The following KMO variants were observed in gnomAD, a reference collection of about 807,000 sequenced individuals.
KMO encodes kynurenine 3-hydroxylase.
A neutral mutation model predicts 57.8 loss-of-function variants in KMO; 24 were observed. That is an observed-to-expected ratio of 0.42 (90% CI 0.30 to 0.58). KMO has a LOEUF of 0.58. KMO is among the 20% of genes least tolerant of loss of function. KMO has a pLI of 0.22. For missense variants in KMO, 483 were observed against 588.2 expected (o/e 0.82, Z 1.85); for synonymous variants, 210 against 193.6 (o/e 1.08, Z -0.70).
At chr1:241,558,940 C>T (rs1311925337) in intron 5 of KMO, among the ~76,000 whole-genome samples, 1 of 151,796 alleles carries the variant, frequency 6.6e-6, no homozygotes, top group Non-Finnish European at 1.5e-5. Context: ...TGGTGAAACC[C>T]TATCTCTACT....
chr1:241,583,342 G>A (rs896583639), intron 10 of KMO, among the ~76,000 whole-genome samples: 1 of 152,192 alleles, frequency 6.6e-6, no homozygotes, highest in Non-Finnish European at 1.5e-5. Context: ...TTAGTTAGCA[G>A]GTGGTGAACC....
Position 241,548,885 on chromosome 1 carries a change from T to C in KMO, c.111T>C (p.Tyr37=). 6.2e-7 allele frequency: 1 copy of C among 1,606,442 alleles called. No homozygotes were observed. Among genetic ancestry groups the C allele is most frequent in the Non-Finnish European group, 8.5e-7 (1 of 1,173,514 alleles). The change falls in exon 2 of 15, where the codon TAT becomes TAC. Residue 37 remains tyrosine (Y), a synonymous_variant. Transcript: ENST00000366559. The part of the protein sequence containing the change: ...LAKRNFQIDV[Y]EAREDTRVAT... ...AGAGGAATTTCCAGATTGATGTATA[T>C]GAAGCTAGGGAAGGTACGTCCATGG...
At position 241,592,800 on chromosome 1, in the gene KMO, C is replaced by CTA. The variant is rs1558435037; in HGVS notation, c.*649_*650dup. ...TATCTATCTATCTATCTATCTATCTCTATTTATTTATGTATTTAGAGATCA... is the reference window on the plus strand; with the variant it reads ...TATCTATCTATCTATCTATCTATCTCTATATTTATTTATGTATTTAGAGATCA... On this transcript the variant is annotated 3_prime_UTR_variant, in exon 15 of 15. Transcript: ENST00000366559. The CTA allele has an allele frequency of 1.1e-4, 11 of 98,930 alleles. No individual in the cohort carries two copies. The highest frequency in any genetic ancestry group is 2.7e-4 in the African/African-American group (8 of 29,370). The allele number at this position is 98,930 out of a possible 1,614,324, so 6.1% of individuals were successfully genotyped here.
chr1:241,569,007 C>G (rs1182934506), intron 10 of KMO, among the ~76,000 whole-genome samples: 1 of 152,038 alleles, frequency 6.6e-6, no homozygotes, highest in East Asian at 1.9e-4. Flanking sequence ...TCCATTTTTA[C>G]ATCTAATTTT....
chr1:241,539,894 C>T (rs967375719), intron 1 of KMO, among the ~76,000 whole-genome samples: 2 of 152,096 alleles, frequency 1.3e-5, no homozygotes, highest in Non-Finnish European at 2.9e-5. Flanking sequence ...TCAAAAGAAA[C>T]GTGTATGCGT....
intron 10 of KMO, among the ~76,000 whole-genome samples, chr1:241,583,649 C>T (rs1364553072): frequency 6.6e-6 from 1 of 152,090 alleles, no homozygotes; most frequent in Non-Finnish European, 1.5e-5. Context: ...ATACATATAC[C>T]TAATACAATA....
rs74150322 is a variant in KMO, at chr1:241,555,762, G to T, written c.361+102G>T. The T allele has an allele frequency of 4.5e-3, 3,261 of 725,072 alleles. 71 individuals carry two copies. The African/African-American group carries it at 0.05, about 11-fold the overall frequency. The allele number at this position is 725,072 out of a possible 1,614,324, so 44.9% of individuals were successfully genotyped here. A position where few individuals can be genotyped will look rare whatever the true frequency, so the allele number is the denominator to read the frequency against. On this transcript the variant is annotated intron_variant, in intron 5 of 14. Transcript: ENST00000366559. ...GATTTGTTTGCTGCTCCTTTTTATG[G>T]GTTATGAAGAGCAAGACTATGTACA...
At chr1:241,562,079 G>A (rs1409861259) in intron 6 of KMO, 88 bp from the exon 7 acceptor site, 1 of 1,069,140 alleles carries the variant, frequency 9.4e-7, no homozygotes, top group African/African-American at 1.6e-5. Context: ...AGTTATCTAT[G>A]GAGCCACTAC....
At chr1:241,569,841 C>T (rs1222110948) in intron 10 of KMO, among the ~76,000 whole-genome samples, 1 of 152,032 alleles carries the variant, frequency 6.6e-6, no homozygotes, top group Non-Finnish European at 1.5e-5. Context: ...CAGATCAAAG[C>T]CATTATAACT....
At chr1:241,558,885 G>C (rs1394387168) in intron 5 of KMO, among the ~76,000 whole-genome samples, 1 of 152,054 alleles carries the variant, frequency 6.6e-6, no homozygotes, top group Admixed American at 6.6e-5. Context: ...GGCCGAAGGG[G>C]GTGGATCACC....
intron 2 of KMO, among the ~76,000 whole-genome samples, chr1:241,549,202 GAAGAAAGA>G (rs71570903): frequency 2.1e-3 from 41 of 19,962 alleles, no homozygotes; most frequent in African/African-American, 6.2e-3. Flanking sequence ...GAAAGAAAAG[GAAGAAAGA>G]AAGAAAGAAA....
intron 9 of KMO, among the ~76,000 whole-genome samples, chr1:241,567,575 A>G (rs1388067242): frequency 6.6e-6 from 1 of 152,186 alleles, no homozygotes; most frequent in African/African-American, 2.4e-5. Context: ...AGATTTTCAC[A>G]CTGCTTCTTC....
At chr1:241,557,141 T>C (rs1351866055) in intron 5 of KMO, among the ~76,000 whole-genome samples, 1 of 152,098 alleles carries the variant, frequency 6.6e-6, no homozygotes, top group African/African-American at 2.4e-5. Flanking sequence ...AATAGAACCC[T>C]GAAGTTGTGA....
chr1:241,539,411 T>A (rs1050212914), intron 1 of KMO, among the ~76,000 whole-genome samples: 5 of 142,632 alleles, frequency 3.5e-5, no homozygotes, highest in African/African-American at 1.1e-4. Context: ...CAGCAATAGC[T>A]ACTTCACCCT....
chr1:241,557,704 T>C (rs1005629881), intron 5 of KMO, among the ~76,000 whole-genome samples: 15 of 152,180 alleles, frequency 9.9e-5, no homozygotes, highest in Non-Finnish European at 4.4e-5. Flanking sequence ...GGCTCACATC[T>C]GTAATCCCAG....
At chr1:241,559,714 T>G (rs1661767871) in intron 5 of KMO, among the ~76,000 whole-genome samples, 1 of 152,184 alleles carries the variant, frequency 6.6e-6, no homozygotes, top group Non-Finnish European at 1.5e-5. Context: ...CTGCCTTATT[T>G]TCCCCATTTT....
chr1:241,543,444 T>C (rs1252000931), intron 1 of KMO, among the ~76,000 whole-genome samples: 1 of 152,202 alleles, frequency 6.6e-6, no homozygotes, highest in Non-Finnish European at 1.5e-5. Context: ...ACTTATAGTC[T>C]TGCTAATATA....
At chr1:241,562,606 A>G (rs1013763450) in intron 7 of KMO, among the ~76,000 whole-genome samples, 4 of 152,192 alleles carry the variant, frequency 2.6e-5, no homozygotes, top group Admixed American at 2.6e-4. Flanking sequence ...TTGGGAGGCC[A>G]AGGCAGGAGG....
At chr1:241,548,585 T>TAA (rs34302807) in intron 1 of KMO, among the ~76,000 whole-genome samples, 96 of 142,734 alleles carry the variant, frequency 6.7e-4, no homozygotes, top group Admixed American at 2.0e-3. Context: ...TATAAAAAAG[T>TAA]AAAAAAAAAA....
Sources: gnomAD v4.1 joint callset for allele counts (sites outside exome capture counted in the v4.1 genomes callset) on GRCh38, gnomAD v4.1.1 for gene constraint, MANE v1.5 for transcripts, NCBI Gene and HGNC (gene_info 2026-07-23, HGNC 2026-07-21) for gene names.